Variants in PRKG1 observed in about 807,000 individuals in gnomAD.
PRKG1 encodes protein kinase cGMP-dependent 1, also known as cGMP-dependent protein kinase 1.
PRKG1 carries 35 observed loss-of-function variants against 88.1 expected under a neutral mutation model. The observed-to-expected ratio is 0.40, with a 90% CI of 0.30 to 0.53. The LOEUF (loss-of-function observed/expected upper bound fraction) is 0.53, where lower values mean the gene tolerates loss of function less well. Ranked by LOEUF, PRKG1 falls within the 20% of genes least tolerant of loss-of-function variation. The probability of loss-of-function intolerance (pLI) is 0.59; values close to 1 mark genes in which losing one functional copy is unlikely to be tolerated. For synonymous variants in PRKG1, 303 were observed against 292.5 expected, an observed-to-expected ratio of 1.04 and a Z score of -0.37; for missense variants, 540 against 839.8, an observed-to-expected ratio of 0.64 and a Z score of 4.41.
At chr10:51,737,740 AATTATTATT>A (rs200144590) in intron 3 of PRKG1, among the ~76,000 whole-genome samples, 8 of 133,432 alleles carry the variant, frequency 6.0e-5, no homozygotes, top group East Asian at 4.4e-4. Context: ...TTTATTTATT[AATTATTATT>A]ATTATTATTA....
In PRKG1 at chr10:51,269,562, CA is replaced by C. The variant is rs1305261569; in HGVS notation, c.478+116233del. Among the ~76,000 whole-genome samples the C allele has an allele frequency of 2.0e-5, 3 of 152,232 alleles. No individual in the cohort carries two copies. In the South Asian group the frequency reaches 6.2e-4, roughly 32 times the overall value. ...AAATGGAATGAAATAATGGCATTTGCAGCAACTTGGATGGAGTTGGAGACCA... is the reference window on the plus strand; with the variant it reads ...AAATGGAATGAAATAATGGCATTTGCGCAACTTGGATGGAGTTGGAGACCA... On this transcript the variant is annotated intron_variant, in intron 2 of 17. Coordinates refer to ENST00000373980, the MANE Select transcript of PRKG1 (RefSeq NM_006258.4).
At chr10:51,407,496 G>A (rs775414869) in intron 2 of PRKG1, among the ~76,000 whole-genome samples, 29 of 152,238 alleles carry the variant, frequency 1.9e-4, no homozygotes, top group Non-Finnish European at 2.4e-4. Flanking sequence ...TACATGCACC[G>A]ACATGTTTTT....
intron 1 of PRKG1, among the ~76,000 whole-genome samples, chr10:51,133,533 G>T (rs921782167): frequency 5.9e-5 from 9 of 152,160 alleles, no homozygotes; most frequent in Non-Finnish European, 7.4e-5. Flanking sequence ...TGAGGAAATA[G>T]CAGGAAAAAA....
intron 3 of PRKG1, among the ~76,000 whole-genome samples, chr10:51,544,290 G>A (rs538769620): frequency 1.2e-4 from 17 of 145,654 alleles, no homozygotes; most frequent in African/African-American, 4.0e-4. Context: ...ACACCTATGA[G>A]TGAGAACATG....
intron 9 of PRKG1, among the ~76,000 whole-genome samples, chr10:52,239,521 T>TAA: frequency 0.059 from 3,347 of 56,690 alleles, 491 homozygotes; most frequent in African/African-American, 0.21. Flanking sequence ...TTCTACAGTG[T>TAA]AAAAAAAAAA....
intron 2 of PRKG1, among the ~76,000 whole-genome samples, chr10:51,380,615 T>G (rs534480228): frequency 6.6e-6 from 1 of 152,144 alleles, no homozygotes; most frequent in East Asian, 1.9e-4. Flanking sequence ...GGAAAACATT[T>G]TAAATGGTCC....
chr10:52,233,454 C>T (rs1311021078), intron 9 of PRKG1, among the ~76,000 whole-genome samples: 18 of 145,866 alleles, frequency 1.2e-4, no homozygotes, highest in African/African-American at 3.3e-4. Flanking sequence ...CCAGTGGGTG[C>T]GTGCACCGTG....
chr10:52,025,797 C>G (rs1845320505), intron 5 of PRKG1, among the ~76,000 whole-genome samples: 1 of 151,524 alleles, frequency 6.6e-6, no homozygotes, highest in Admixed American at 6.6e-5. Flanking sequence ...GCAATGCGGG[C>G]TCTTTTTTGA....
At chr10:51,063,802 TAAAC>T (rs1037555795) in intron 1 of PRKG1, among the ~76,000 whole-genome samples, 4 of 152,146 alleles carry the variant, frequency 2.6e-5, no homozygotes, top group African/African-American at 9.7e-5. Flanking sequence ...ATGATTGTGT[TAAAC>T]AAAGACACAC....
At chr10:52,120,682 C>A (rs1403865559) in intron 7 of PRKG1, among the ~76,000 whole-genome samples, 1 of 152,224 alleles carries the variant, frequency 6.6e-6, no homozygotes, top group Non-Finnish European at 1.5e-5. Flanking sequence ...ATCTTCTGTG[C>A]ACACTGGGAC....
chr10:51,120,640 T>C (rs929229180), intron 1 of PRKG1, among the ~76,000 whole-genome samples: 3 of 152,182 alleles, frequency 2.0e-5, no homozygotes, highest in African/African-American at 7.2e-5. Context: ...TATAATGGAC[T>C]TGGTATACTT....
At chr10:51,971,731 A>T (rs16925357) in intron 5 of PRKG1, among the ~76,000 whole-genome samples, 1 of 152,050 alleles carries the variant, frequency 6.6e-6, no homozygotes, top group Non-Finnish European at 1.5e-5. Flanking sequence ...GGAACACTTC[A>T]TCCTAATGTA....
In PRKG1 at chr10:51,001,557, T is replaced by C. The variant is rs551201000; in HGVS notation, c.266+9913T>C. Among the ~76,000 whole-genome samples, 79 of 152,314 alleles carry C rather than the reference T, an allele frequency of 5.2e-4. 1 individual carries two copies. The highest frequency in any genetic ancestry group is 1.9e-3 in the African/African-American group (78 of 41,566). Reference sequence around the variant, plus strand: ...AAATTATATTGTTAAAAGGAATGGCTTTGTTAAACGAGAAAAATATAAGGA... The same window carrying C: ...AAATTATATTGTTAAAAGGAATGGCCTTGTTAAACGAGAAAAATATAAGGA... On this transcript the variant is annotated intron_variant, in intron 1 of 17. Coordinates refer to the PRKG1 transcript ENST00000401604.
intron 7 of PRKG1, among the ~76,000 whole-genome samples, chr10:52,099,737 G>A (rs1010231625): frequency 1.3e-5 from 2 of 152,102 alleles, no homozygotes; most frequent in African/African-American, 4.8e-5. Flanking sequence ...GTTGCTTTTG[G>A]AATCACAAAC....
intron 4 of PRKG1, among the ~76,000 whole-genome samples, chr10:51,866,832 A>G (rs1841026446): frequency 6.6e-6 from 1 of 152,198 alleles, no homozygotes; most frequent in Admixed American, 6.5e-5. Context: ...TTATACTACC[A>G]GGAAATGTGC....
Position 51,676,525 on chromosome 10 carries a change from G to A in PRKG1, c.593-128060G>A, listed in dbSNP as rs541196674. ...TCCTCCCACTGTTAACCTGAGCAAA[G>A]AATGATCAAAAAGTATGTAGGAGAA... is the stretch of plus-strand genomic sequence containing the variant. On this transcript the variant is annotated intron_variant, in intron 3 of 17. Transcript: ENST00000373980. Among the ~76,000 whole-genome samples the A allele has an allele frequency of 6.2e-4, 93 of 150,494 alleles. 1 individual carries two copies. The South Asian group carries it at 0.019, about 30-fold the overall frequency.
At chr10:51,728,618 G>A (rs10999129) in intron 3 of PRKG1, among the ~76,000 whole-genome samples, 12,808 of 151,836 alleles carry the variant, frequency 0.084, 623 homozygotes, top group South Asian at 0.13. Context: ...TTATTTTATG[G>A]AATACATCTG....
chr10:52,162,565 CCT>C (rs1838305391), intron 9 of PRKG1, among the ~76,000 whole-genome samples: 1 of 151,874 alleles, frequency 6.6e-6, no homozygotes, highest in Non-Finnish European at 1.5e-5. Context: ...ATAATCCTCC[CCT>C]CTTTCCCCTA....
intron 4 of PRKG1, among the ~76,000 whole-genome samples, chr10:51,895,562 G>T (rs1338859185): frequency 6.6e-6 from 1 of 152,104 alleles, no homozygotes; most frequent in African/African-American, 2.4e-5. Context: ...ACAAAGCTTG[G>T]CTGCACCGGG....
Sources: gnomAD v4.1 joint callset for allele counts (sites outside exome capture counted in the v4.1 genomes callset) on GRCh38, gnomAD v4.1.1 for gene constraint, MANE v1.5 for transcripts, NCBI Gene and HGNC (gene_info 2026-07-23, HGNC 2026-07-21) for gene names.